MAP1B: variants seen among roughly 807,000 people sequenced by gnomAD.
MAP1B encodes the protein microtubule-associated protein 1B.
MAP1B carries 12 observed loss-of-function variants against 176.1 expected under a neutral mutation model. The ratio of observed to expected loss-of-function variants is 0.07; its 90% confidence interval spans 0.04 to 0.11. The LOEUF is 0.11. Ranked by LOEUF, MAP1B falls within the 10% of genes least tolerant of loss-of-function variation. The probability of loss-of-function intolerance (pLI) is 1.00; values close to 1 mark genes in which losing one functional copy is unlikely to be tolerated. For synonymous variants in MAP1B, 1,044 were observed against 1,135.0 expected, an observed-to-expected ratio of 0.92 and a Z score of 1.61; for missense variants, 2,523 against 2,990.5, an observed-to-expected ratio of 0.84 and a Z score of 3.65.
chr5:72,170,406 C>A (rs1746513538), intron 2 of MAP1B, among the ~76,000 whole-genome samples: 1 of 152,182 alleles, frequency 6.6e-6, no homozygotes, highest in Non-Finnish European at 1.5e-5. Flanking sequence ...TTCGTGCAAG[C>A]ATTTACCCTT....
Position 72,195,450 on chromosome 5 carries a change from G to A in MAP1B, c.2095G>A (p.Glu699Lys), listed in dbSNP as rs1284776455. The A allele has an allele frequency of 6.3e-7, 1 of 1,581,120 alleles. No homozygotes were observed. The highest frequency in any genetic ancestry group is 1.4e-5 in the African/African-American group (1 of 72,852). Residue 699 changes from glutamate (E) to lysine (K), a missense_variant, in exon 5 of 7, where the codon GAG becomes AAG. Transcript: ENST00000296755. ...AGAAGAGAAAAAAGAACCCAAGAAAGAGGTTAAGAAAGAAACACCGCCAAA... is the reference window on the plus strand; with the variant it reads ...AGAAGAGAAAAAAGAACCCAAGAAAAAGGTTAAGAAAGAAACACCGCCAAA... ...KKEEKKEPKK[E>K]VKKETPPKEV...
rs367918877 is a variant in MAP1B, at chr5:72,197,749, T to C, written c.4394T>C (p.Phe1465Ser). Reference protein sequence around the residue: ...QDKQEGKSTDFAPIKEDFGQE... With the variant: ...QDKQEGKSTDSAPIKEDFGQE... ...AAACAGGAAGGGAAAAGCACAGACT[T>C]TGCACCAATAAAAGAAGACTTTGGC... The change falls in exon 5 of 7, where the codon TTT becomes TCT. Residue 1465 changes from phenylalanine to serine, a missense_variant. This residue lies in a region of MAP1B where 1,925 missense variants were observed against 2,126.0 expected (regional missense o/e 0.91). Transcript: ENST00000296755. 23 of 1,614,156 alleles carry C rather than the reference T, an allele frequency of 1.4e-5. No homozygotes were observed. Among genetic ancestry groups the C allele is most frequent in the Non-Finnish European group, 1.9e-5 (23 of 1,180,024 alleles).
At position 72,115,687 on chromosome 5, in the gene MAP1B, T is replaced by G. The variant is rs764831108; in HGVS notation, c.185-11T>G. 1 of 1,517,262 alleles carries G rather than the reference T, an allele frequency of 6.6e-7. No homozygotes were observed. The highest frequency in any genetic ancestry group is 2.3e-5 in the East Asian group (1 of 44,394). 94.0% of individuals were successfully genotyped at this position (1,517,262 alleles called of 1,614,324 possible). A position where few individuals can be genotyped will look rare whatever the true frequency, so the allele number is the denominator to read the frequency against. ...TGGAAGTCTCTCAACTGTCTTTCTT[T>G]CCCTCCCTAGGAATCCGATCATGGG... On this transcript the variant is annotated splice_polypyrimidine_tract_variant and intron_variant, in intron 1 of 6. Transcript: ENST00000296755.
intron 2 of MAP1B, among the ~76,000 whole-genome samples, chr5:72,126,619 A>G (rs903393366): frequency 2.0e-5 from 3 of 152,190 alleles, no homozygotes; most frequent in Admixed American, 2.0e-4. Context: ...CCATTATTCT[A>G]TGAATTTTTA....
chr5:72,121,806 A>G (rs1745534788), intron 2 of MAP1B, among the ~76,000 whole-genome samples: 1 of 152,238 alleles, frequency 6.6e-6, no homozygotes, highest in South Asian at 2.1e-4. Flanking sequence ...CAACTGCTCT[A>G]TGACAGGGAG....
chr5:72,135,744 T>TG (rs1467717431), intron 2 of MAP1B, among the ~76,000 whole-genome samples: 5 of 152,158 alleles, frequency 3.3e-5, no homozygotes, highest in Non-Finnish European at 5.9e-5. Context: ...CAGACCCTCT[T>TG]GTGAGGTGAT....
At chr5:72,122,666 G>A (rs1745551608) in intron 2 of MAP1B, among the ~76,000 whole-genome samples, 1 of 149,630 alleles carries the variant, frequency 6.7e-6, no homozygotes. Flanking sequence ...TTTAAGAGTG[G>A]AAAGGATGTT....
chr5:72,192,212 G>A (rs1747039342), intron 4 of MAP1B, among the ~76,000 whole-genome samples: 1 of 152,196 alleles, frequency 6.6e-6, no homozygotes, highest in South Asian at 2.1e-4. Flanking sequence ...TAGTGATTGT[G>A]ATGAGAGTCT....
At chr5:72,123,357 G>C (rs892226148) in intron 2 of MAP1B, among the ~76,000 whole-genome samples, 1 of 152,166 alleles carries the variant, frequency 6.6e-6, no homozygotes, top group African/African-American at 2.4e-5. Context: ...AGGCTGGAGT[G>C]CAGTGGTGCA....
chr5:72,156,385 C>T (rs1054642276), intron 2 of MAP1B, among the ~76,000 whole-genome samples: 7 of 152,066 alleles, frequency 4.6e-5, no homozygotes, highest in East Asian at 1.9e-4. Flanking sequence ...AGACGATAGG[C>T]GAAAGCAGGA....
intron 2 of MAP1B, among the ~76,000 whole-genome samples, chr5:72,133,349 C>T (rs1277663675): frequency 6.6e-6 from 1 of 152,186 alleles, no homozygotes; most frequent in Non-Finnish European, 1.5e-5. Flanking sequence ...TGAGGTGAGG[C>T]GCTGGAGGCG....
At chr5:72,182,040 T>C (rs1217027943) in intron 2 of MAP1B, among the ~76,000 whole-genome samples, 2 of 137,040 alleles carry the variant, frequency 1.5e-5, no homozygotes. Flanking sequence ...TTTTTTTTTT[T>C]TTTTGGAGAC....
At chr5:72,172,210 A>G (rs1746555487) in intron 2 of MAP1B, among the ~76,000 whole-genome samples, 1 of 152,058 alleles carries the variant, frequency 6.6e-6, no homozygotes, top group Non-Finnish European at 1.5e-5. Flanking sequence ...CAGGATCTTG[A>G]CCTTAAGAAG....
At chr5:72,200,397 A>T (rs765864217) in intron 5 of MAP1B, 30 bp downstream of exon 5, 6 of 1,600,662 alleles carry the variant, frequency 3.7e-6, no homozygotes, top group Middle Eastern at 3.6e-4. Context: ...CATTGGATAT[A>T]TGTCACAACC....
intron 2 of MAP1B, among the ~76,000 whole-genome samples, chr5:72,135,923 T>C (rs1464706298): frequency 6.6e-6 from 1 of 152,224 alleles, no homozygotes; most frequent in African/African-American, 2.4e-5. Flanking sequence ...GGAATAACAC[T>C]GGGTTTTGAG....
chr5:72,142,333 T>C (rs1257419318), intron 2 of MAP1B, among the ~76,000 whole-genome samples: 1 of 152,152 alleles, frequency 6.6e-6, no homozygotes. Context: ...GCTCTGCCTG[T>C]GGAGGGGGAC....
At chr5:72,169,685 T>G (rs1405017553) in intron 2 of MAP1B, 1 of 154,338 alleles carries the variant, frequency 6.5e-6, no homozygotes, top group Non-Finnish European at 1.5e-5. Context: ...AATTGCCACC[T>G]TCACAGGAAG....
chr5:72,180,284 C>CTGAT (rs746887588), intron 2 of MAP1B, among the ~76,000 whole-genome samples: 9 of 152,182 alleles, frequency 5.9e-5, no homozygotes, highest in Non-Finnish European at 1.3e-4. Flanking sequence ...ACTGCACTGG[C>CTGAT]TGATGCTCTG....
At chr5:72,122,769 A>G (rs1443176477) in intron 2 of MAP1B, among the ~76,000 whole-genome samples, 2 of 151,892 alleles carry the variant, frequency 1.3e-5, no homozygotes, top group East Asian at 3.9e-4. Flanking sequence ...AGGTAGCAGA[A>G]AATGGGCTGC....
Sources: gnomAD v4.1 joint callset for allele counts (sites outside exome capture counted in the v4.1 genomes callset) on GRCh38, gnomAD v4.1.1 for gene constraint, gnomAD v4.1.1 regional missense constraint, MANE v1.5 for transcripts, NCBI Gene and HGNC (gene_info 2026-07-23, HGNC 2026-07-21) for gene names.